The following GALNT14 variants were observed in gnomAD, a reference collection of about 807,000 sequenced individuals.
The protein encoded by GALNT14 is UDP-GalNAc:polypeptide N-acetylgalactosaminyltransferase 14.
In GALNT14, 60 loss-of-function variants were observed where a neutral mutation model predicts 77.5. The ratio of observed to expected loss-of-function variants is 0.77; its 90% confidence interval spans 0.63 to 0.96. GALNT14 has a LOEUF of 0.96. Among genes scored for constraint, GALNT14 ranks in the 40% least tolerant of loss-of-function variants. The probability of loss-of-function intolerance (pLI) is 0.00; values close to 1 mark genes in which losing one functional copy is unlikely to be tolerated. For synonymous variants in GALNT14, 280 were observed against 281.7 expected, an observed-to-expected ratio of 0.99 and a Z score of 0.06; for missense variants, 710 against 731.0, an observed-to-expected ratio of 0.97 and a Z score of 0.33.
At chr2:30,911,323 A>G (rs559710079) in intron 14 of GALNT14, among the ~76,000 whole-genome samples, 1 of 152,306 alleles carries the variant, frequency 6.6e-6, no homozygotes, top group Admixed American at 6.5e-5. Context: ...TCCAAGCAGT[A>G]GCCCAGAAAA....
At chr2:31,046,196 A>G (rs1673444702) in intron 1 of GALNT14, among the ~76,000 whole-genome samples, 1 of 151,648 alleles carries the variant, frequency 6.6e-6, no homozygotes, top group Non-Finnish European at 1.5e-5. Context: ...TGGGGTTTGA[A>G]CCTAAGTTGG....
chr2:30,994,747 G>A (rs972786742), intron 1 of GALNT14, among the ~76,000 whole-genome samples: 1 of 152,130 alleles, frequency 6.6e-6, no homozygotes, highest in African/African-American at 2.4e-5. Context: ...CCACTGGCTT[G>A]TTTCCAATTT....
chr2:30,992,970 A>C lies in GALNT14; in HGVS notation c.167T>G (p.Phe56Cys). Residue 56 changes from phenylalanine (F) to cysteine (C), a missense_variant, in exon 2 of 15, where the codon TTT (phenylalanine) becomes TGT (cysteine). Phe to Cys is a radical substitution (Grantham distance 205). Transcript: ENST00000349752. ...GGCATTCAGATACCGCCGCTCATCA[A>C]ACTGGTCCCACAGGTCGTCCCAGTC... ...DADWDDLWDQ[F>C]DERRYLNAKK... is the part of the protein sequence containing the mutation. 6.2e-7 allele frequency: 1 copy of C among 1,614,156 alleles called. No homozygotes were observed. The highest frequency in any genetic ancestry group is 8.5e-7 in the Non-Finnish European group (1 of 1,180,008).
chr2:31,100,300 C>T (rs1031344196), intron 1 of GALNT14, among the ~76,000 whole-genome samples: 22 of 151,944 alleles, frequency 1.4e-4, no homozygotes, highest in Non-Finnish European at 2.9e-5. Flanking sequence ...TGTTACATGT[C>T]ATTTTGCTTA....
intron 1 of GALNT14, among the ~76,000 whole-genome samples, chr2:31,129,883 G>C (rs1678891931): frequency 6.6e-6 from 1 of 152,202 alleles, no homozygotes; most frequent in Admixed American, 6.5e-5. Flanking sequence ...CTCGTCAAGA[G>C]AGAGTGGCCC....
chr2:31,130,784 G>GCGCGCGCA (rs1553382578), intron 1 of GALNT14, among the ~76,000 whole-genome samples: 2 of 124,972 alleles, frequency 1.6e-5, no homozygotes, highest in African/African-American at 8.2e-5. Context: ...GTGTGTGTGT[G>GCGCGCGCA]CGCGCGCACC....
chr2:30,926,681 T>C (rs1397301300), intron 11 of GALNT14, among the ~76,000 whole-genome samples: 1 of 145,772 alleles, frequency 6.9e-6, no homozygotes, highest in African/African-American at 2.6e-5. Context: ...AAGCAGTGCC[T>C]AGCAGCAGAA....
At chr2:30,976,612 C>CGT (rs368747490) in intron 2 of GALNT14, among the ~76,000 whole-genome samples, 8,187 of 148,354 alleles carry the variant, frequency 0.055, 645 homozygotes, top group African/African-American at 0.18. Context: ...TGTGCGTGTG[C>CGT]GTGTGTGTAT....
chr2:30,917,626 C>G (rs1480499361), intron 13 of GALNT14, among the ~76,000 whole-genome samples: 1 of 152,234 alleles, frequency 6.6e-6, no homozygotes, highest in Admixed American at 6.5e-5. Flanking sequence ...TTGTAAGAGA[C>G]TCTTTCAAGG....
intron 1 of GALNT14, among the ~76,000 whole-genome samples, chr2:31,089,196 A>G (rs1558561792): frequency 1.3e-5 from 2 of 152,154 alleles, no homozygotes; most frequent in African/African-American, 4.8e-5. Context: ...TAGCATTTGC[A>G]ATCTCAACTC....
chr2:30,973,804 T>C (rs1270922423), intron 2 of GALNT14, among the ~76,000 whole-genome samples: 2 of 152,348 alleles, frequency 1.3e-5, no homozygotes, highest in African/African-American at 4.8e-5. Context: ...CTTGCCTCAA[T>C]AGCCACCCTC....
chr2:30,893,414 A>C, the GALNT14 span, among the ~76,000 whole-genome samples: 2 of 152,240 alleles, frequency 1.3e-5, no homozygotes, highest in Non-Finnish European at 2.9e-5. Context: ...AATTCCAGGA[A>C]AAACAAAAGA....
chr2:31,137,917 C>T (rs1164584982), intron 1 of GALNT14, 41 bp downstream of exon 1: 1 of 1,575,198 alleles, frequency 6.3e-7, no homozygotes. Context: ...CGCCCTCCCG[C>T]AAGCCACCGC....
At chr2:30,996,170 C>T (rs1343706268) in intron 1 of GALNT14, among the ~76,000 whole-genome samples, 1 of 152,206 alleles carries the variant, frequency 6.6e-6, no homozygotes, top group African/African-American at 2.4e-5. Context: ...AATGCCTGGG[C>T]ACCCTGTGGC....
At chr2:30,914,251 A>G in intron 13 of GALNT14, among the ~76,000 whole-genome samples, 1 of 152,240 alleles carries the variant, frequency 6.6e-6, no homozygotes, top group East Asian at 1.9e-4. Flanking sequence ...ATACACCAGC[A>G]AGTGGCCCCC....
intron 1 of GALNT14, among the ~76,000 whole-genome samples, chr2:31,137,623 C>T (rs1423908989): frequency 6.6e-6 from 1 of 152,048 alleles, no homozygotes; most frequent in Non-Finnish European, 1.5e-5. Flanking sequence ...TCTCTGGCAG[C>T]GCCCGGAGAC....
intron 1 of GALNT14, among the ~76,000 whole-genome samples, chr2:31,121,519 C>T (rs1311564726): frequency 6.6e-6 from 1 of 152,220 alleles, no homozygotes; most frequent in Admixed American, 6.5e-5. Context: ...GGAAATCTGA[C>T]ACACTCTGGT....
In GALNT14 at chr2:31,012,121, G is replaced by T. The variant is rs571561529; in HGVS notation, c.130-19114C>A. 2.0e-5 allele frequency among the ~76,000 whole-genome samples: 3 copies of T among 152,268 alleles called. No individual in the cohort carries two copies. The East Asian group carries it at 5.8e-4, about 29-fold the overall frequency. On this transcript the variant is annotated intron_variant, in intron 1 of 14. Coordinates refer to ENST00000349752, the MANE Select transcript of GALNT14 (RefSeq NM_024572.4). ...GAGCCGACCAACAGATAAGCGCTGG[G>T]GATTTATGTCTTTAGACCTGTATTT... is the stretch of plus-strand genomic sequence containing the variant.
downstream of GALNT14, among the ~76,000 whole-genome samples, chr2:30,905,864 C>CG (rs1305677649): frequency 6.6e-6 from 1 of 151,892 alleles, no homozygotes; most frequent in Non-Finnish European, 1.5e-5. Context: ...GCGGATCTCT[C>CG]GGCAGAAACC....
Sources: gnomAD v4.1 joint callset for allele counts (sites outside exome capture counted in the v4.1 genomes callset) on GRCh38, gnomAD v4.1.1 for gene constraint, MANE v1.5 for transcripts, NCBI Gene and HGNC (gene_info 2026-07-23, HGNC 2026-07-21) for gene names.